NTRK2: variants seen among roughly 807,000 people sequenced by gnomAD.
NTRK2 encodes the protein BDNF/NT-3 growth factors receptor.
NTRK2 carries 13 observed loss-of-function variants against 94.5 expected under a neutral mutation model. The observed-to-expected ratio is 0.14, with a 90% confidence interval of 0.09 to 0.22. The LOEUF (loss-of-function observed/expected upper bound fraction) is 0.22, where lower values mean the gene tolerates loss of function less well. Ranked by LOEUF, NTRK2 falls within the 10% of genes least tolerant of loss-of-function variation. NTRK2 has a pLI of 1.00. For missense variants in NTRK2, 639 were observed against 1,071.2 expected, an observed-to-expected ratio of 0.60 and a Z score of 5.63; for synonymous variants, 372 against 407.4, an observed-to-expected ratio of 0.91 and a Z score of 1.05.
intron 14 of NTRK2, among the ~76,000 whole-genome samples, chr9:84,885,526 T>A (rs1456645653): frequency 1.3e-5 from 2 of 152,184 alleles, no homozygotes; most frequent in African/African-American, 4.8e-5. Flanking sequence ...TTTTTTTCTT[T>A]TAATAATCCT....
At chr9:84,834,021 A>G (rs1344783172) in intron 12 of NTRK2, among the ~76,000 whole-genome samples, 3 of 152,140 alleles carry the variant, frequency 2.0e-5, no homozygotes. Context: ...GTAGCTCACT[A>G]CAATCGCCAT....
chr9:84,928,384 TTATC>T (rs1253040735), intron 14 of NTRK2, among the ~76,000 whole-genome samples: 1 of 152,218 alleles, frequency 6.6e-6, no homozygotes, highest in East Asian at 1.9e-4. Flanking sequence ...TATTTTATAT[TTATC>T]AGTAGTTTTC....
rs1825642401 is a variant in NTRK2 at position 84,967,081 on chromosome 9, A to G, written c.2172+11564A>G. ...GAACCCAAGAACTATTTCTTACGGT[A>G]TCAGTTAGTAAACGAAGTGCTATTT... On this transcript the variant is annotated intron_variant, in intron 17 of 18. Coordinates refer to ENST00000277120, the MANE Select transcript of NTRK2 (RefSeq NM_006180.6). Among the ~76,000 whole-genome samples, 3 of 152,366 alleles carry G rather than the reference A, an allele frequency of 2.0e-5. No homozygotes were observed. In the South Asian group the frequency reaches 6.2e-4, roughly 32 times the overall value.
At chr9:84,719,251 A>G (rs933455543) in intron 6 of NTRK2, among the ~76,000 whole-genome samples, 6 of 152,306 alleles carry the variant, frequency 3.9e-5, no homozygotes, top group Admixed American at 3.9e-4. Flanking sequence ...TCCAAAACTC[A>G]TATACTTCAT....
At chr9:84,835,761 T>C (rs965765428) in intron 12 of NTRK2, among the ~76,000 whole-genome samples, 1 of 152,210 alleles carries the variant, frequency 6.6e-6, no homozygotes, top group Non-Finnish European at 1.5e-5. Flanking sequence ...ATCCTGTGTG[T>C]GAAAGTAACC....
rs1218411414 is a variant in NTRK2, at chr9:84,955,747, G to A, written c.2172+230G>A. 20 of 631,214 alleles carry A rather than the reference G, an allele frequency of 3.2e-5. No homozygotes were observed. In the East Asian group the frequency reaches 5.4e-4, roughly 17 times the overall value. The allele number at this position is 631,214 out of a possible 1,614,324, so 39.1% of individuals were successfully genotyped here. A position where few individuals can be genotyped will look rare whatever the true frequency, so the allele number is the denominator to read the frequency against. On this transcript the variant is annotated intron_variant, in intron 17 of 18. Coordinates refer to ENST00000277120, the MANE Select transcript of NTRK2 (RefSeq NM_006180.6). ...TTGCAGGTGGCTGCCTTCTCACTAT[G>A]CCCTCACATTGGGATGGTGACAACC...
intron 12 of NTRK2, chr9:84,813,106 A>C: frequency 9.6e-7 from 1 of 1,039,856 alleles, no homozygotes; most frequent in Non-Finnish European, 1.2e-6. Context: ...TTGCAGCATT[A>C]GAAAAGGAGA....
intron 14 of NTRK2, among the ~76,000 whole-genome samples, chr9:84,912,207 A>G (rs1286829204): frequency 6.6e-6 from 1 of 152,182 alleles, no homozygotes; most frequent in African/African-American, 2.4e-5. Context: ...GTCTGAAAAA[A>G]ATGTGCATTC....
intron 2 of NTRK2, among the ~76,000 whole-genome samples, chr9:84,679,313 TCA>T (rs1419644518): frequency 6.6e-6 from 1 of 152,196 alleles, no homozygotes; most frequent in East Asian, 1.9e-4. Flanking sequence ...TGTTCCCAAA[TCA>T]CAGACATATA....
intron 17 of NTRK2, among the ~76,000 whole-genome samples, chr9:84,966,327 T>A (rs1447072010): frequency 6.6e-6 from 1 of 152,234 alleles, no homozygotes; most frequent in African/African-American, 2.4e-5. Context: ...ACTTTACATA[T>A]ACTGATTCAG....
chr9:85,015,510 C>T (rs1168945347), intron 17 of NTRK2, among the ~76,000 whole-genome samples: 2 of 152,132 alleles, frequency 1.3e-5, no homozygotes, highest in Non-Finnish European at 2.9e-5. Flanking sequence ...ATTGAGAATT[C>T]CTCCCCCAAA....
chr9:84,692,949 G>A (rs1053821013), intron 2 of NTRK2, among the ~76,000 whole-genome samples: 24 of 152,182 alleles, frequency 1.6e-4, no homozygotes, highest in Non-Finnish European at 2.6e-4. Context: ...ATGGGCCAGT[G>A]AAAGATCGGA....
chr9:84,856,269 CT>C (rs1253115239), intron 12 of NTRK2, among the ~76,000 whole-genome samples: 1 of 152,146 alleles, frequency 6.6e-6, no homozygotes, highest in Non-Finnish European at 1.5e-5. Flanking sequence ...AAAGCAAGCT[CT>C]CTTCCTACAC....
At chr9:84,699,205 T>A (rs376816913) in intron 2 of NTRK2, among the ~76,000 whole-genome samples, 2 of 151,840 alleles carry the variant, frequency 1.3e-5, no homozygotes, top group African/African-American at 2.4e-5. Context: ...CCTGGCTAAT[T>A]TTTTGTATTT....
chr9:84,934,241 T>C lies in NTRK2; in HGVS notation c.1713T>C (p.Ala571=). The C allele has an allele frequency of 1.2e-6, 2 of 1,613,996 alleles. No homozygotes were observed. The highest frequency in any genetic ancestry group is 1.1e-5 in the South Asian group (1 of 91,066). The change falls in exon 15 of 19, where the codon GCT becomes GCC. Residue 571 remains alanine, a synonymous_variant. Coordinates refer to ENST00000277120, the MANE Select transcript of NTRK2 (RefSeq NM_006180.6). ...GEGAFGKVFL[A]ECYNLCPEQD... is the part of the protein sequence containing the mutation. ...GAGCCTTTGGAAAAGTGTTCCTAGC[T>C]GAATGCTATAACCTCTGTCCTGAGC...
At chr9:84,770,195 A>ACACAC (rs2066415222) in intron 12 of NTRK2, among the ~76,000 whole-genome samples, 62 of 95,070 alleles carry the variant, frequency 6.5e-4, no homozygotes, top group Admixed American at 1.6e-3. Context: ...CACACACACA[A>ACACAC]ACACACAGCT....
At chr9:84,977,764 G>A (rs1296845791) in intron 17 of NTRK2, among the ~76,000 whole-genome samples, 1 of 152,164 alleles carries the variant, frequency 6.6e-6, no homozygotes, top group Non-Finnish European at 1.5e-5. Context: ...CAAATTGAAG[G>A]TTTGTGGCAA....
intron 14 of NTRK2, among the ~76,000 whole-genome samples, chr9:84,916,004 A>G (rs2132530789): frequency 6.6e-6 from 1 of 152,138 alleles, no homozygotes; most frequent in East Asian, 1.9e-4. Context: ...GAGGTTTAGG[A>G]TTGGTAGGGT....
intron 12 of NTRK2, among the ~76,000 whole-genome samples, chr9:84,818,874 G>A (rs1176607369): frequency 3.9e-5 from 6 of 152,182 alleles, no homozygotes; most frequent in East Asian, 1.9e-4. Flanking sequence ...AAATGCCTGC[G>A]CTGTTCCTTG....
Sources: gnomAD v4.1 joint callset for allele counts (sites outside exome capture counted in the v4.1 genomes callset) on GRCh38, gnomAD v4.1.1 for gene constraint, MANE v1.5 for transcripts, NCBI Gene and HGNC (gene_info 2026-07-23, HGNC 2026-07-21) for gene names.